The following KCNMB2 variants were observed in gnomAD, a reference collection of about 807,000 sequenced individuals.
KCNMB2 encodes calcium-activated potassium channel subunit beta-2.
KCNMB2 carries 9 observed loss-of-function variants against 24.5 expected under a neutral mutation model. The observed-to-expected ratio is 0.37, with a 90% CI of 0.22 to 0.64. The LOEUF (loss-of-function observed/expected upper bound fraction) is 0.64, where lower values mean the gene tolerates loss of function less well. Ranked by LOEUF, KCNMB2 falls within the 30% of genes least tolerant of loss-of-function variation. KCNMB2 has a pLI of 0.63. For missense variants in KCNMB2, 226 were observed against 284.3 expected (o/e 0.79, Z 1.47); for synonymous variants, 109 against 104.4 (o/e 1.04, Z -0.27).
At chr3:178,725,496 G>A (rs1002257478) in intron 1 of KCNMB2, among the ~76,000 whole-genome samples, 1 of 152,000 alleles carries the variant, frequency 6.6e-6, no homozygotes, top group Non-Finnish European at 1.5e-5. Flanking sequence ...AACAACTTTA[G>A]TAAAGTCTCA....
intron 1 of KCNMB2, among the ~76,000 whole-genome samples, chr3:178,644,386 T>G (rs1476017477): frequency 6.6e-6 from 1 of 152,154 alleles, no homozygotes; most frequent in Non-Finnish European, 1.5e-5. Context: ...GGCTGCTGAT[T>G]TTCAAAGTCC....
intron 1 of KCNMB2, among the ~76,000 whole-genome samples, chr3:178,725,570 G>A (rs1722941152): frequency 2.0e-5 from 3 of 151,870 alleles, no homozygotes; most frequent in Admixed American, 2.0e-4. Context: ...CTTTCAACTA[G>A]ATTTATTTCT....
chr3:178,781,092 G>A (rs536738108), intron 1 of KCNMB2, among the ~76,000 whole-genome samples: 3 of 152,046 alleles, frequency 2.0e-5, no homozygotes, highest in African/African-American at 7.2e-5. Context: ...ATTACATGAT[G>A]AAATTGTAAT....
chr3:178,661,827 A>G (rs1006620356), intron 1 of KCNMB2, among the ~76,000 whole-genome samples: 8 of 152,172 alleles, frequency 5.3e-5, no homozygotes, highest in African/African-American at 1.9e-4. Flanking sequence ...TCTGCTCTAC[A>G]TGTCTTTAAT....
At chr3:178,768,610 T>A (rs1455328037) in intron 1 of KCNMB2, among the ~76,000 whole-genome samples, 1 of 152,138 alleles carries the variant, frequency 6.6e-6, no homozygotes, top group African/African-American at 2.4e-5. Context: ...TGAAAAGCAC[T>A]GCAGGAGGTA....
intron 1 of KCNMB2, among the ~76,000 whole-genome samples, chr3:178,766,233 AC>A (rs1392287749): frequency 1.3e-5 from 2 of 152,044 alleles, no homozygotes; most frequent in African/African-American, 2.4e-5. Flanking sequence ...TTTCTCTGTC[AC>A]CCAGGCTGGA....
intron 1 of KCNMB2, among the ~76,000 whole-genome samples, chr3:178,661,029 G>A (rs753731773): frequency 8.2e-4 from 125 of 151,654 alleles, no homozygotes; most frequent in Non-Finnish European, 1.1e-3. Context: ...GGATACATGC[G>A]CAGAACGTGC....
At chr3:178,547,364 T>C (rs1160629376) in intron 1 of KCNMB2, among the ~76,000 whole-genome samples, 1 of 152,220 alleles carries the variant, frequency 6.6e-6, no homozygotes. Context: ...GAGTTGTTCA[T>C]GGACTATATT....
chr3:178,628,307 T>TC (rs899088829), intron 1 of KCNMB2, among the ~76,000 whole-genome samples: 23 of 152,156 alleles, frequency 1.5e-4, no homozygotes, highest in South Asian at 4.1e-4. Flanking sequence ...CAGACTCTAG[T>TC]CCCATTTGAT....
At chr3:178,804,540 C>T (rs948425900) in intron 1 of KCNMB2, among the ~76,000 whole-genome samples, 3 of 152,136 alleles carry the variant, frequency 2.0e-5, no homozygotes, top group Non-Finnish European at 4.4e-5. Context: ...AAGATTTAGA[C>T]AGTTCATTAG....
chr3:178,602,117 G>A (rs1718103034), intron 1 of KCNMB2, among the ~76,000 whole-genome samples: 1 of 152,126 alleles, frequency 6.6e-6, no homozygotes, highest in Non-Finnish European at 1.5e-5. Context: ...CCACTCAGAT[G>A]ACTTAGCTGG....
At chr3:178,734,078 T>C (rs1408689035) in intron 1 of KCNMB2, among the ~76,000 whole-genome samples, 2 of 152,066 alleles carry the variant, frequency 1.3e-5, no homozygotes, top group Non-Finnish European at 2.9e-5. Flanking sequence ...GCCCTGTGTT[T>C]CAAATTTCAG....
intron 1 of KCNMB2, among the ~76,000 whole-genome samples, chr3:178,662,439 T>C (rs1339468467): frequency 2.0e-5 from 3 of 152,188 alleles, no homozygotes; most frequent in Non-Finnish European, 4.4e-5. Context: ...TAAACAATGA[T>C]ACAGATCATT....
chr3:178,798,983 T>A (rs1021451770), intron 1 of KCNMB2, among the ~76,000 whole-genome samples: 16 of 144,450 alleles, frequency 1.1e-4, no homozygotes, highest in Admixed American at 9.7e-4. Context: ...CTCTTGATGA[T>A]AAAAAAAAAA....
chr3:178,636,552 G>A (rs1344359381), intron 1 of KCNMB2, among the ~76,000 whole-genome samples: 1 of 152,150 alleles, frequency 6.6e-6, no homozygotes, highest in East Asian at 1.9e-4. Context: ...GTGCATTGGG[G>A]ACTTAATATA....
At chr3:178,574,504 T>C (rs946949726) in intron 1 of KCNMB2, among the ~76,000 whole-genome samples, 3 of 152,242 alleles carry the variant, frequency 2.0e-5, no homozygotes, top group Non-Finnish European at 4.4e-5. Flanking sequence ...CACCATGTAA[T>C]GTTGATTCTC....
intron 1 of KCNMB2, among the ~76,000 whole-genome samples, chr3:178,714,224 T>C (rs1722545615): frequency 6.6e-6 from 1 of 152,250 alleles, no homozygotes; most frequent in Admixed American, 6.5e-5. Context: ...ATTTCAATAT[T>C]TTTTCATTTA....
chr3:178,641,780 C>G (rs1719737467), intron 1 of KCNMB2, among the ~76,000 whole-genome samples: 1 of 151,990 alleles, frequency 6.6e-6, no homozygotes, highest in Admixed American at 6.6e-5. Context: ...AACATCATGC[C>G]AATTCTAGGA....
intron 1 of KCNMB2, among the ~76,000 whole-genome samples, chr3:178,799,757 T>C (rs997456035): frequency 5.3e-5 from 8 of 152,062 alleles, no homozygotes; most frequent in African/African-American, 1.9e-4. Context: ...GGAGGAATCA[T>C]ATTATCTGAC....
Sources: allele counts gnomAD v4.1 joint callset (sites outside exome capture counted in the v4.1 genomes callset), GRCh38; gene constraint gnomAD v4.1.1; transcripts MANE v1.5; gene names NCBI Gene and HGNC (gene_info 2026-07-23, HGNC 2026-07-21).